The following GUCY1A2 variants were observed in gnomAD, a reference collection of about 807,000 sequenced individuals.
GUCY1A2 encodes guanylate cyclase soluble subunit alpha-2.
GUCY1A2 carries 27 observed loss-of-function variants against 63.5 expected under a neutral mutation model. The observed-to-expected ratio is 0.43, with a 90% CI of 0.31 to 0.59. The LOEUF (loss-of-function observed/expected upper bound fraction) is 0.59. Ranked by LOEUF, GUCY1A2 falls within the 20% of genes least tolerant of loss-of-function variation. GUCY1A2 has a pLI of 0.11. For synonymous variants in GUCY1A2, 364 were observed against 343.5 expected (o/e 1.06, Z -0.66); for missense variants, 768 against 913.3 (o/e 0.84, Z 2.05).
intron 6 of GUCY1A2, among the ~76,000 whole-genome samples, chr11:106,758,736 A>C (rs1864015712): frequency 1.3e-5 from 2 of 152,242 alleles, no homozygotes; most frequent in Admixed American, 6.5e-5. Flanking sequence ...AAGAGTCAAC[A>C]GAGTGGCTTT....
At chr11:106,990,717 A>C (rs1861460317) in intron 1 of GUCY1A2, among the ~76,000 whole-genome samples, 1 of 152,236 alleles carries the variant, frequency 6.6e-6, no homozygotes, top group Non-Finnish European at 1.5e-5. Flanking sequence ...ACAAGATTAC[A>C]CACCCAGTAA....
chr11:106,839,230 G>A (rs1220454390), intron 4 of GUCY1A2, among the ~76,000 whole-genome samples: 2 of 151,882 alleles, frequency 1.3e-5, no homozygotes, highest in Non-Finnish European at 2.9e-5. Context: ...TGTTAAATAG[G>A]GAATCCTTTC....
At chr11:106,826,472 T>A in intron 4 of GUCY1A2, 1 of 1,594,312 alleles carries the variant, frequency 6.3e-7, no homozygotes, top group South Asian at 1.1e-5. Context: ...TGGTTTAAGA[T>A]TAGGTTTTCA....
chr11:106,771,930 T>G (rs1864264471), intron 6 of GUCY1A2, among the ~76,000 whole-genome samples: 1 of 152,180 alleles, frequency 6.6e-6, no homozygotes, highest in South Asian at 2.1e-4. Flanking sequence ...TGAACTGATT[T>G]TTCAGAATGT....
At chr11:106,936,510 C>G (rs780247613) in intron 4 of GUCY1A2, 1 of 497,592 alleles carries the variant, frequency 2.0e-6, no homozygotes, top group African/African-American at 1.9e-5. Flanking sequence ...TGAAAACATA[C>G]GAATACTATA....
At chr11:106,726,227 C>T (rs572451204) in intron 6 of GUCY1A2, among the ~76,000 whole-genome samples, 2 of 152,028 alleles carry the variant, frequency 1.3e-5, no homozygotes, top group African/African-American at 2.4e-5. Flanking sequence ...CCAGCCTGAC[C>T]GACATGGTAA....
intron 1 of GUCY1A2, among the ~76,000 whole-genome samples, chr11:106,997,493 G>A (rs1489384444): frequency 6.6e-6 from 1 of 152,052 alleles, no homozygotes; most frequent in Non-Finnish European, 1.5e-5. Flanking sequence ...GGCCTATGTT[G>A]TGTAAACTCA....
chr11:106,928,765 C>T (rs1860563523), intron 4 of GUCY1A2, among the ~76,000 whole-genome samples: 1 of 152,160 alleles, frequency 6.6e-6, no homozygotes, highest in African/African-American at 2.4e-5. Flanking sequence ...ACTGTAAGAA[C>T]TGGAACACAA....
chr11:106,743,462 G>C (rs1863732576), intron 6 of GUCY1A2, among the ~76,000 whole-genome samples: 1 of 152,160 alleles, frequency 6.6e-6, no homozygotes. Flanking sequence ...CCATGAATAT[G>C]ATAGAATTTA....
At chr11:106,737,418 C>T (rs545926935) in intron 6 of GUCY1A2, among the ~76,000 whole-genome samples, 63 of 152,162 alleles carry the variant, frequency 4.1e-4, no homozygotes, top group African/African-American at 1.5e-3. Context: ...TTAAATTATA[C>T]TTTAAGTGCT....
chr11:106,848,052 C>T (rs1859300688), intron 4 of GUCY1A2, among the ~76,000 whole-genome samples: 1 of 151,338 alleles, frequency 6.6e-6, no homozygotes, highest in Admixed American at 6.6e-5. Flanking sequence ...GATCTGTGGG[C>T]CCAATGAAGT....
intron 4 of GUCY1A2, among the ~76,000 whole-genome samples, chr11:106,909,339 T>C (rs1187028894): frequency 9.5e-6 from 1 of 105,698 alleles, no homozygotes; most frequent in Non-Finnish European, 2.1e-5. Context: ...TATCTGATTT[T>C]CCTGGTGGTA....
chr11:106,710,596 A>G (rs999385527), intron 6 of GUCY1A2, among the ~76,000 whole-genome samples: 2 of 151,404 alleles, frequency 1.3e-5, no homozygotes, highest in African/African-American at 4.9e-5. Context: ...GGCATTGATT[A>G]AAAATTCTGA....
intron 4 of GUCY1A2, among the ~76,000 whole-genome samples, chr11:106,895,288 G>GTGAA (rs1334747530): frequency 6.6e-6 from 1 of 152,138 alleles, no homozygotes; most frequent in Non-Finnish European, 1.5e-5. Context: ...GAGTTCACTA[G>GTGAA]TGAATTCTAC....
chr11:106,937,794 A>G (rs1860699209), intron 4 of GUCY1A2, among the ~76,000 whole-genome samples: 1 of 152,200 alleles, frequency 6.6e-6, no homozygotes, highest in South Asian at 2.1e-4. Flanking sequence ...CATTCAGACT[A>G]AAATATCCAA....
chr11:106,910,497 C>G (rs1184178928), intron 4 of GUCY1A2, among the ~76,000 whole-genome samples: 2 of 152,012 alleles, frequency 1.3e-5, no homozygotes, highest in Admixed American at 6.6e-5. Context: ...TTTGTGAAAA[C>G]TACTAGTTAG....
At chr11:106,925,035 A>G (rs1254015178) in intron 4 of GUCY1A2, among the ~76,000 whole-genome samples, 2 of 152,054 alleles carry the variant, frequency 1.3e-5, no homozygotes, top group Non-Finnish European at 2.9e-5. Context: ...AAAACCATGT[A>G]TCATCATCAT....
In GUCY1A2 at chr11:106,695,560, CCTT is replaced by C. The variant is rs761032365; in HGVS notation, c.1992-7807_1992-7805del. 1.8e-4 allele frequency among the ~76,000 whole-genome samples: 27 copies of C among 152,212 alleles called. No individual in the cohort carries two copies. The South Asian group carries it at 3.3e-3, about 19-fold the overall frequency. On this transcript the variant is annotated intron_variant, in intron 7 of 7. Coordinates refer to ENST00000526355, the MANE Select transcript of GUCY1A2 (RefSeq NM_000855.3). Reference sequence around the variant, plus strand: ...AAAGTTCCTGAATTTTTCCTATTTACCTTCTTCTTTCTACTTGAGTGGAAGAAA... The same window carrying C: ...AAAGTTCCTGAATTTTTCCTATTTACCTTCTTTCTACTTGAGTGGAAGAAA...
chr11:106,857,544 C>A (rs926243417), intron 4 of GUCY1A2, among the ~76,000 whole-genome samples: 7 of 152,278 alleles, frequency 4.6e-5, no homozygotes, highest in African/African-American at 1.7e-4. Context: ...CTTCAACTGA[C>A]CTGACCTTTA....
Sources: gnomAD v4.1 joint callset for allele counts (sites outside exome capture counted in the v4.1 genomes callset) on GRCh38, gnomAD v4.1.1 for gene constraint, MANE v1.5 for transcripts, NCBI Gene and HGNC (gene_info 2026-07-23, HGNC 2026-07-21) for gene names.